Variants in GPM6A observed in about 807,000 individuals in gnomAD.
GPM6A encodes glycoprotein M6A.
In GPM6A, 7 loss-of-function variants were observed where a neutral mutation model predicts 32.1. The observed-to-expected ratio is 0.22, with a 90% CI of 0.12 to 0.41. The LOEUF (loss-of-function observed/expected upper bound fraction) is 0.41. Among genes scored for constraint, GPM6A ranks in the 10% least tolerant of loss-of-function variants. The pLI, the probability that GPM6A is intolerant of heterozygous loss-of-function variation, is 1.00. For synonymous variants in GPM6A, 130 were observed against 123.4 expected (o/e 1.05, Z -0.35); for missense variants, 235 against 347.2 (o/e 0.68, Z 2.57).
At chr4:175,831,715 C>CTT (rs780096379) in intron 1 of GPM6A, among the ~76,000 whole-genome samples, 5,267 of 69,736 alleles carry the variant, frequency 0.076, 549 homozygotes, top group South Asian at 0.11. Flanking sequence ...TTAGCCATCT[C>CTT]TTTTTTTTTT....
At chr4:175,688,161 T>C (rs538355767) in intron 2 of GPM6A, among the ~76,000 whole-genome samples, 9 of 152,312 alleles carry the variant, frequency 5.9e-5, no homozygotes, top group Middle Eastern at 6.8e-3. Flanking sequence ...TTTCACTCTG[T>C]TGACTGTTTC....
chr4:175,716,043 C>T lies in GPM6A; in HGVS notation c.38-14276G>A, dbSNP rs1422465735. Among the ~76,000 whole-genome samples, 7 of 152,234 alleles carry T rather than the reference C, an allele frequency of 4.6e-5. No individual in the cohort carries two copies. In the East Asian group the frequency reaches 9.7e-4, roughly 21 times the overall value. On this transcript the variant is annotated intron_variant, in intron 1 of 6. Transcript: ENST00000393658. ...TCACACCACTGCACTCCAGACTGGG[C>T]AATAAGAGCAAAACTCCATTAAAAC...
At chr4:175,977,656 A>C (rs1156250879) in intron 1 of GPM6A, among the ~76,000 whole-genome samples, 1 of 152,230 alleles carries the variant, frequency 6.6e-6, no homozygotes, top group East Asian at 1.9e-4. Context: ...AGTTAAAGAC[A>C]ATCTTAATAA....
intron 1 of GPM6A, among the ~76,000 whole-genome samples, chr4:175,875,807 A>C (rs969985902): frequency 3.9e-5 from 6 of 152,322 alleles, no homozygotes; most frequent in African/African-American, 1.4e-4. Flanking sequence ...TTTTAAGAAC[A>C]GAAGCCTTGG....
intron 1 of GPM6A, among the ~76,000 whole-genome samples, chr4:175,920,277 G>A (rs942421872): frequency 2.6e-5 from 4 of 152,188 alleles, no homozygotes; most frequent in Non-Finnish European, 5.9e-5. Flanking sequence ...TCCCACCTCT[G>A]CTACCAGTTG....
chr4:175,979,812 A>C (rs1216537739), intron 1 of GPM6A, among the ~76,000 whole-genome samples: 1 of 152,226 alleles, frequency 6.6e-6, no homozygotes, highest in Admixed American at 6.5e-5. Flanking sequence ...CCACTAAGTT[A>C]ATTAAAAGTA....
intron 2 of GPM6A, among the ~76,000 whole-genome samples, chr4:175,682,227 C>A (rs1579379179): frequency 6.6e-6 from 1 of 151,482 alleles, no homozygotes; most frequent in Non-Finnish European, 1.5e-5. Flanking sequence ...GGGTATCTGG[C>A]AGAAGAAATT....
intron 1 of GPM6A, among the ~76,000 whole-genome samples, chr4:175,931,460 A>T (rs1203462842): frequency 6.6e-6 from 1 of 152,132 alleles, no homozygotes; most frequent in African/African-American, 2.4e-5. Flanking sequence ...AACTCAGATG[A>T]CTTGTACTTT....
At chr4:175,922,506 G>A (rs2111528225) in intron 1 of GPM6A, among the ~76,000 whole-genome samples, 1 of 152,212 alleles carries the variant, frequency 6.6e-6, no homozygotes, top group South Asian at 2.1e-4. Context: ...AAGCCAAACT[G>A]GAAAGGTTCC....
chr4:175,865,188 A>G (rs1332949622), intron 1 of GPM6A, among the ~76,000 whole-genome samples: 1 of 152,210 alleles, frequency 6.6e-6, no homozygotes, highest in Non-Finnish European at 1.5e-5. Flanking sequence ...CACAATTGTT[A>G]AAAAGATGAT....
chr4:175,828,523 A>G (rs564373739), intron 1 of GPM6A, among the ~76,000 whole-genome samples: 16 of 152,348 alleles, frequency 1.1e-4, no homozygotes, highest in African/African-American at 3.8e-4. Context: ...TTTACAAACA[A>G]AATATTTATG....
intron 1 of GPM6A, among the ~76,000 whole-genome samples, chr4:175,831,565 C>A (rs1735610928): frequency 6.6e-6 from 1 of 152,056 alleles, no homozygotes; most frequent in Admixed American, 6.6e-5. Flanking sequence ...AAAACAAATC[C>A]GTGCTTAATT....
intron 1 of GPM6A, among the ~76,000 whole-genome samples, chr4:175,871,449 G>A (rs1264219743): frequency 6.6e-6 from 1 of 152,002 alleles, no homozygotes; most frequent in African/African-American, 2.4e-5. Flanking sequence ...CAGCCTGGGC[G>A]ACAGAGTAAG....
chr4:175,837,079 A>G (rs369117199), intron 1 of GPM6A, among the ~76,000 whole-genome samples: 1 of 152,262 alleles, frequency 6.6e-6, no homozygotes, highest in African/African-American at 2.4e-5. Context: ...AGAGAGGTGG[A>G]TCAGAGTCAG....
chr4:175,888,154 A>G (rs1737521052), intron 1 of GPM6A, among the ~76,000 whole-genome samples: 1 of 152,022 alleles, frequency 6.6e-6, no homozygotes, highest in African/African-American at 2.4e-5. Flanking sequence ...GAGTACAAAG[A>G]TAGCTTAAAA....
chr4:175,868,122 T>G (rs1037036135), intron 1 of GPM6A, among the ~76,000 whole-genome samples: 1 of 152,210 alleles, frequency 6.6e-6, no homozygotes, highest in Non-Finnish European at 1.5e-5. Context: ...CAGCAATTTG[T>G]TCAGGTTTTC....
At chr4:175,726,471 A>C (rs1486847588) in intron 1 of GPM6A, among the ~76,000 whole-genome samples, 1 of 152,210 alleles carries the variant, frequency 6.6e-6, no homozygotes, top group Non-Finnish European at 1.5e-5. Flanking sequence ...ATTCTAATGA[A>C]TATTTTTGTG....
intron 1 of GPM6A, among the ~76,000 whole-genome samples, chr4:175,954,783 T>C (rs141066766): frequency 6.6e-6 from 1 of 152,318 alleles, no homozygotes; most frequent in East Asian, 1.9e-4. Context: ...GGACTTGGAG[T>C]ATTTTCTACA....
intron 1 of GPM6A, among the ~76,000 whole-genome samples, chr4:175,797,039 T>C (rs933360086): frequency 6.6e-6 from 1 of 152,032 alleles, no homozygotes; most frequent in African/African-American, 2.4e-5. Flanking sequence ...TTCTCTTCTC[T>C]AAAAAAATAC....
Sources: allele counts gnomAD v4.1 joint callset (sites outside exome capture counted in the v4.1 genomes callset), GRCh38; gene constraint gnomAD v4.1.1; transcripts MANE v1.5; gene names NCBI Gene and HGNC (gene_info 2026-07-23, HGNC 2026-07-21).